Variants in HTT observed in about 807,000 individuals in gnomAD.
HTT encodes the protein huntingtin.
HTT carries 104 observed loss-of-function variants against 362.3 expected under a neutral mutation model. The ratio of observed to expected loss-of-function variants is 0.29; its 90% confidence interval spans 0.24 to 0.34. The LOEUF (loss-of-function observed/expected upper bound fraction) is 0.34, where lower values mean the gene tolerates loss of function less well. Among genes scored for constraint, HTT ranks in the 10% least tolerant of loss-of-function variants. HTT has a pLI of 1.00. For missense variants in HTT, 3,301 were observed against 3,928.6 expected (o/e 0.84, Z 4.27); for synonymous variants, 1,577 against 1,548.7 (o/e 1.02, Z -0.43).
In HTT at chr4:3,233,070, C is replaced by T. The variant is rs192277758; in HGVS notation, c.8266-93C>T. Reference sequence around the variant, plus strand: ...CTGTGTAGTCTCTTCTGCACACAAGCGTGAGGGCAGCGCCCCCGCCTCGGC... The same window carrying T: ...CTGTGTAGTCTCTTCTGCACACAAGTGTGAGGGCAGCGCCCCCGCCTCGGC... On this transcript the variant is annotated intron_variant, in intron 60 of 66. Transcript: ENST00000355072. 6.8e-3 allele frequency: 7,014 copies of T among 1,032,554 alleles called. 166 individuals carry two copies. The highest frequency in any genetic ancestry group is 0.013 in the Middle Eastern group (40 of 3,092). 64.0% of individuals were successfully genotyped at this position (1,032,554 alleles called of 1,614,324 possible). A position where few individuals can be genotyped will look rare whatever the true frequency, so the allele number is the denominator to read the frequency against.
intron 38 of HTT, 55 bp from the exon 39 acceptor site, chr4:3,187,595 GA>G (rs1388044900): frequency 1.5e-6 from 2 of 1,327,774 alleles, no homozygotes; most frequent in East Asian, 2.3e-5. Context: ...GCAATTGGGG[GA>G]AATTTAATCT....
At chr4:3,230,700 C>T (rs762190678) in intron 60 of HTT, among the ~76,000 whole-genome samples, 7 of 152,144 alleles carry the variant, frequency 4.6e-5, no homozygotes, top group Non-Finnish European at 1.0e-4. Context: ...GAGGGCTGCT[C>T]TCTGCTTCAT....
chr4:3,116,071 T>C lies in HTT; in HGVS notation c.890-14T>C, dbSNP rs377522337. On this transcript the variant is annotated splice_polypyrimidine_tract_variant and intron_variant, in intron 7 of 66. Transcript: ENST00000355072. ...TGAGTCAGATGTTAAGATGTCTTGC[T>C]TCCACCCCCACAGGCTTACTCGTTC... The C allele has an allele frequency of 2.8e-5, 45 of 1,597,690 alleles. No individual in the cohort carries two copies. The highest frequency in any genetic ancestry group is 3.8e-5 in the Non-Finnish European group (44 of 1,167,652).
chr4:3,133,385 C>T (rs1578524432), intron 18 of HTT, among the ~76,000 whole-genome samples: 3 of 151,184 alleles, frequency 2.0e-5, no homozygotes, highest in South Asian at 2.1e-4. Flanking sequence ...CTCAGCTACT[C>T]GGGAAGCTGA....
intron 1 of HTT, 31 bp downstream of exon 1, chr4:3,075,119 C>G: frequency 7.4e-6 from 9 of 1,216,920 alleles, no homozygotes; most frequent in Non-Finnish European, 8.2e-6. Context: ...GCTCCCTGTC[C>G]CGGCGGGTCC....
At chr4:3,132,252 A>G (rs961945215) in intron 16 of HTT, among the ~76,000 whole-genome samples, 1 of 152,148 alleles carries the variant, frequency 6.6e-6, no homozygotes, top group Non-Finnish European at 1.5e-5. Flanking sequence ...TAAGTGTGTA[A>G]TAGGGTTTTT....
chr4:3,236,298 A>C (rs1319820613), intron 64 of HTT, 44 bp downstream of exon 64: 1 of 1,367,936 alleles, frequency 7.3e-7, no homozygotes, highest in African/African-American at 1.4e-5. Context: ...CTTCCCTAGA[A>C]CTTTGGCCTG....
At chr4:3,194,153 A>G (rs1319795418) in intron 40 of HTT, among the ~76,000 whole-genome samples, 1 of 152,236 alleles carries the variant, frequency 6.6e-6, no homozygotes, top group Non-Finnish European at 1.5e-5. Context: ...AATTCCACCC[A>G]TAAACCGAAA....
chr4:3,234,865 G>A (rs1315971148), intron 61 of HTT, among the ~76,000 whole-genome samples: 3 of 152,222 alleles, frequency 2.0e-5, no homozygotes, highest in Non-Finnish European at 2.9e-5. Context: ...GAAGGCCGGC[G>A]CTGTCGGGGG....
At chr4:3,140,430 C>A in intron 21 of HTT, 80 bp from the exon 22 acceptor site, 1 of 1,261,502 alleles carries the variant, frequency 7.9e-7, no homozygotes, top group Non-Finnish European at 1.1e-6. Flanking sequence ...TTGGCTTAGC[C>A]ATCTGCAGGG....
rs751110440 is a variant in HTT, at chr4:3,242,421, T to C, written c.*2362T>C. ...ATGCATGTGCATATAGACACATCTA[T>C]AATTTTACACACACACCTCTCAAGA... On this transcript the variant is annotated 3_prime_UTR_variant, in exon 67 of 67. Coordinates refer to ENST00000355072, the MANE Select transcript of HTT (RefSeq NM_001388492.1). The C allele has an allele frequency of 2.0e-5, 3 of 152,232 alleles. No individual in the cohort carries two copies. Among genetic ancestry groups the C allele is most frequent in the Non-Finnish European group, 4.4e-5 (3 of 68,046 alleles). The allele number at this position is 152,232 out of a possible 1,614,324, so 9.4% of individuals were successfully genotyped here.
chr4:3,134,582 A>G (rs368584535), intron 19 of HTT, 42 bp downstream of exon 19: 620 of 1,566,610 alleles, frequency 4.0e-4, no homozygotes, highest in Non-Finnish European at 4.8e-4. Flanking sequence ...ACTAAGCTCA[A>G]TTGAAAGTTC....
rs1311389940 is a variant in HTT, at chr4:3,083,528, TATACAC to T, written c.264-3409_264-3404del. On this transcript the variant is annotated intron_variant, in intron 1 of 66. Transcript: ENST00000355072. ...AAGAGAGTGAGACCCTGTCTCTAAA[TATACAC>T]ACACACACACACACACACACACACA... Among the ~76,000 whole-genome samples the T allele has an allele frequency of 6.1e-3, 512 of 83,916 alleles. 9 individuals are homozygous for T. Among genetic ancestry groups the T allele is most frequent in the South Asian group, 0.017 (44 of 2,516 alleles). 55.1% of individuals were successfully genotyped at this position (83,916 alleles called of 152,430 possible).
intron 8 of HTT, among the ~76,000 whole-genome samples, chr4:3,120,954 G>A (rs1013751103): frequency 1.3e-5 from 2 of 152,132 alleles, no homozygotes; most frequent in African/African-American, 4.8e-5. Flanking sequence ...CTAGTCACCA[G>A]TTTTGGGAAA....
chr4:3,126,209 C>A (rs1039310414), intron 11 of HTT, among the ~76,000 whole-genome samples: 10 of 152,052 alleles, frequency 6.6e-5, no homozygotes, highest in South Asian at 4.2e-4. Context: ...CCCGCCACCA[C>A]GCTTGGCTAA....
intron 18 of HTT, among the ~76,000 whole-genome samples, chr4:3,133,943 C>G (rs916634273): frequency 1.3e-5 from 2 of 152,068 alleles, no homozygotes; most frequent in Non-Finnish European, 2.9e-5. Flanking sequence ...GTGCTTGGGG[C>G]TGCAGGGGAG....
chr4:3,190,516 C>T (rs1011638680), intron 40 of HTT, among the ~76,000 whole-genome samples: 5 of 151,804 alleles, frequency 3.3e-5, no homozygotes, highest in Admixed American at 2.0e-4. Context: ...GCGGGGTGAT[C>T]GCTTGAGCTT....
intron 4 of HTT, among the ~76,000 whole-genome samples, chr4:3,105,123 C>G (rs578215486): frequency 4.6e-5 from 7 of 152,196 alleles, no homozygotes; most frequent in African/African-American, 1.7e-4. Flanking sequence ...CTTTACTTTT[C>G]TTCAAAAGGT....
intron 47 of HTT, among the ~76,000 whole-genome samples, chr4:3,211,298 T>C (rs1322590260): frequency 6.6e-6 from 1 of 152,254 alleles, no homozygotes; most frequent in East Asian, 1.9e-4. Flanking sequence ...CCAAATTTGC[T>C]AATTGGGCTT....
Sources: allele counts gnomAD v4.1 joint callset (sites outside exome capture counted in the v4.1 genomes callset), GRCh38; gene constraint gnomAD v4.1.1; transcripts MANE v1.5; gene names NCBI Gene and HGNC (gene_info 2026-07-23, HGNC 2026-07-21).